Variants in TMC1 observed in about 807,000 individuals in gnomAD.
TMC1 encodes transmembrane channel-like protein 1.
TMC1 carries 84 observed loss-of-function variants against 105.8 expected under a neutral mutation model. The ratio of observed to expected loss-of-function variants is 0.79; its 90% CI spans 0.67 to 0.95. The LOEUF (loss-of-function observed/expected upper bound fraction) is 0.95, where lower values mean the gene tolerates loss of function less well. Ranked by LOEUF, TMC1 falls within the 40% of genes least tolerant of loss-of-function variation. The pLI is 0.00. For synonymous variants in TMC1, 315 were observed against 311.5 expected (o/e 1.01, Z -0.12); for missense variants, 817 against 914.1 (o/e 0.89, Z 1.37).
At chr9:72,723,914 T>C (rs1260609809) in intron 8 of TMC1, among the ~76,000 whole-genome samples, 1 of 152,186 alleles carries the variant, frequency 6.6e-6, no homozygotes, top group Non-Finnish European at 1.5e-5. Flanking sequence ...TGAGCTACTG[T>C]TTCTATTTCT....
chr9:72,542,274 A>G lies in TMC1; in HGVS notation c.-428+20361A>G, dbSNP rs151110883. On this transcript the variant is annotated intron_variant, in intron 1 of 23. Coordinates refer to ENST00000297784, the MANE Select transcript of TMC1 (RefSeq NM_138691.3). ...TCAGGAGATGGAGACCATCCTGGCTAACATGGTGAAACCCCGTCTCTGCTA... is the reference window on the plus strand; with the variant it reads ...TCAGGAGATGGAGACCATCCTGGCTGACATGGTGAAACCCCGTCTCTGCTA... 9.5e-3 allele frequency among the ~76,000 whole-genome samples: 1,444 copies of G among 152,188 alleles called. 27 individuals carry two copies. The highest frequency in any genetic ancestry group is 0.033 in the African/African-American group (1,372 of 41,526).
intron 10 of TMC1, among the ~76,000 whole-genome samples, chr9:72,747,814 T>C (rs1211928047): frequency 6.6e-6 from 1 of 152,192 alleles, no homozygotes; most frequent in Non-Finnish European, 1.5e-5. Flanking sequence ...CAGGCAGGTC[T>C]TGAACTCCTG....
At chr9:72,642,379 G>C (rs765660832) in intron 4 of TMC1, among the ~76,000 whole-genome samples, 26 of 152,114 alleles carry the variant, frequency 1.7e-4, no homozygotes, top group Non-Finnish European at 3.4e-4. Flanking sequence ...CATGACTAGG[G>C]AACAGATTAT....
chr9:72,582,318 A>G, intron 2 of TMC1, among the ~76,000 whole-genome samples: 1 of 152,242 alleles, frequency 6.6e-6, no homozygotes, highest in Non-Finnish European at 1.5e-5. Flanking sequence ...CAAGAAAAAC[A>G]TATTTAGAAA....
At chr9:72,661,038 G>C (rs1825962666) in intron 5 of TMC1, among the ~76,000 whole-genome samples, 1 of 152,124 alleles carries the variant, frequency 6.6e-6, no homozygotes, top group African/African-American at 2.4e-5. Flanking sequence ...TGTAGTCCCA[G>C]CTACTTGGGA....
At chr9:72,724,495 A>C (rs1827083017) in intron 8 of TMC1, among the ~76,000 whole-genome samples, 1 of 152,222 alleles carries the variant, frequency 6.6e-6, no homozygotes, top group African/African-American at 2.4e-5. Flanking sequence ...TTAAGTTTCC[A>C]ATACATAAAC....
At chr9:72,659,357 G>A (rs1168180955) in intron 5 of TMC1, among the ~76,000 whole-genome samples, 4 of 152,188 alleles carry the variant, frequency 2.6e-5, no homozygotes, top group African/African-American at 7.2e-5. Flanking sequence ...AGTTTGGGCC[G>A]GGAGTGGTGG....
At chr9:72,698,073 T>TA (rs1057335066) in intron 7 of TMC1, among the ~76,000 whole-genome samples, 14 of 151,486 alleles carry the variant, frequency 9.2e-5, no homozygotes, top group Non-Finnish European at 1.3e-4. Context: ...ATAGATAGAG[T>TA]AAAAAAAATC....
intron 3 of TMC1, among the ~76,000 whole-genome samples, chr9:72,621,257 CAT>C (rs1825243305): frequency 6.6e-6 from 1 of 152,062 alleles, no homozygotes; most frequent in Admixed American, 6.6e-5. Context: ...AAATGAAAAA[CAT>C]ATATCCTTGG....
chr9:72,594,997 G>T lies in TMC1; in HGVS notation c.-306+16974G>T, dbSNP rs183905033. 3.9e-5 allele frequency among the ~76,000 whole-genome samples: 6 copies of T among 151,964 alleles called. No individual in the cohort carries two copies. The East Asian group carries it at 9.7e-4, about 25-fold the overall frequency. On this transcript the variant is annotated intron_variant, in intron 2 of 23. Coordinates refer to ENST00000297784, the MANE Select transcript of TMC1 (RefSeq NM_138691.3). Reference sequence around the variant, plus strand: ...TCTTCTGCCTCAGCCTTCCGAGTAGGTGGTACTAGAGGTGTGTGCCACCAC... The same window carrying T: ...TCTTCTGCCTCAGCCTTCCGAGTAGTTGGTACTAGAGGTGTGTGCCACCAC...
At position 72,830,443 on chromosome 9, in the gene TMC1, T is replaced by C. The variant is rs2118330095; in HGVS notation, c.2130-8T>C. 6.2e-7 allele frequency: 1 copy of C among 1,605,126 alleles called. No homozygotes were observed. On this transcript the variant is annotated splice_region_variant and splice_polypyrimidine_tract_variant and intron_variant, in intron 21 of 23. Transcript: ENST00000297784. Reference sequence around the variant, plus strand: ...CCTTACACTGTATTTTTTTTCTTTTTAATTTAGTTTGGCCATCTATTATCT... The same window carrying C: ...CCTTACACTGTATTTTTTTTCTTTTCAATTTAGTTTGGCCATCTATTATCT...
At chr9:72,615,682 GT>G (rs1825114013) in intron 2 of TMC1, among the ~76,000 whole-genome samples, 1 of 151,596 alleles carries the variant, frequency 6.6e-6, no homozygotes, top group African/African-American at 2.4e-5. Context: ...GCATTAAGTT[GT>G]TTGGAATAGA....
At chr9:72,612,762 T>A (rs1265457091) in intron 2 of TMC1, among the ~76,000 whole-genome samples, 1 of 152,170 alleles carries the variant, frequency 6.6e-6, no homozygotes, top group Non-Finnish European at 1.5e-5. Context: ...TTTAGCTCCC[T>A]AAGGGACATT....
chr9:72,830,944 C>A (rs942190403), intron 23 of TMC1, among the ~76,000 whole-genome samples: 3 of 151,828 alleles, frequency 2.0e-5, no homozygotes, highest in Non-Finnish European at 4.4e-5. Context: ...TTAAAAGTGA[C>A]CTTGAAAATG....
intron 18 of TMC1, among the ~76,000 whole-genome samples, chr9:72,806,316 ACCT>A (rs1828582296): frequency 7.3e-6 from 1 of 136,868 alleles, no homozygotes; most frequent in Non-Finnish European, 1.6e-5. Flanking sequence ...GGCGCCCCTC[ACCT>A]CCTGGACGGG....
At chr9:72,736,747 T>A (rs568699429) in intron 8 of TMC1, among the ~76,000 whole-genome samples, 2 of 152,312 alleles carry the variant, frequency 1.3e-5, no homozygotes, top group Admixed American at 1.3e-4. Context: ...TGATGCCAAA[T>A]AACTGAAGTA....
Position 72,781,832 on chromosome 9 carries a change from C to T in TMC1, c.885-6507C>T, listed in dbSNP as rs552615126. On this transcript the variant is annotated intron_variant, in intron 13 of 23. Coordinates refer to ENST00000297784, the MANE Select transcript of TMC1 (RefSeq NM_138691.3). ...GAATCAGTAATAAAAAGCCTATCAACCAGAAAAAGTCCTGGACCAGACAAA... is the reference window on the plus strand; with the variant it reads ...GAATCAGTAATAAAAAGCCTATCAATCAGAAAAAGTCCTGGACCAGACAAA... 2.0e-5 allele frequency among the ~76,000 whole-genome samples: 3 copies of T among 152,162 alleles called. No individual in the cohort carries two copies. The South Asian group carries it at 6.2e-4, about 32-fold the overall frequency.
intron 11 of TMC1, among the ~76,000 whole-genome samples, chr9:72,752,396 A>G (rs562338216): frequency 2.2e-4 from 33 of 152,146 alleles, no homozygotes; most frequent in African/African-American, 6.0e-4. Context: ...ATACTGAAGA[A>G]ACACAAAATG....
intron 2 of TMC1, among the ~76,000 whole-genome samples, chr9:72,603,386 T>TACACACACACACACAC (rs10584160): frequency 6.9e-6 from 1 of 145,228 alleles, no homozygotes; most frequent in Non-Finnish European, 1.5e-5. Context: ...CTCTCCCCAC[T>TACACACACACACACAC]ACACACACAC....
Sources: gnomAD v4.1 joint callset for allele counts (sites outside exome capture counted in the v4.1 genomes callset) on GRCh38, gnomAD v4.1.1 for gene constraint, MANE v1.5 for transcripts, NCBI Gene and HGNC (gene_info 2026-07-23, HGNC 2026-07-21) for gene names.